The following SETBP1 variants were observed in gnomAD, a reference collection of about 807,000 sequenced individuals.
SETBP1 encodes SET-binding protein.
In SETBP1, 9 loss-of-function variants were observed where a neutral mutation model predicts 101.0. The observed-to-expected ratio is 0.09, with a 90% CI of 0.05 to 0.16. The LOEUF (loss-of-function observed/expected upper bound fraction) is 0.16. Ranked by LOEUF, SETBP1 falls within the 10% of genes least tolerant of loss-of-function variation. The pLI is 1.00. For synonymous variants in SETBP1, 818 were observed against 788.5 expected (o/e 1.04, Z -0.63); for missense variants, 1,858 against 2,033.8 (o/e 0.91, Z 1.66).
chr18:44,822,604 G>A (rs1316359751), intron 2 of SETBP1, among the ~76,000 whole-genome samples: 2 of 152,186 alleles, frequency 1.3e-5, no homozygotes, highest in Admixed American at 6.5e-5. Context: ...TTTGCAGCTC[G>A]TTCTGCTAAC....
chr18:44,689,406 C>A (rs2068892072), intron 1 of SETBP1, among the ~76,000 whole-genome samples: 1 of 152,134 alleles, frequency 6.6e-6, no homozygotes, highest in African/African-American at 2.4e-5. Flanking sequence ...AAACCCAGGG[C>A]CCTCTATGTC....
intron 4 of SETBP1, among the ~76,000 whole-genome samples, chr18:44,962,187 G>A (rs2071626418): frequency 6.6e-6 from 1 of 152,210 alleles, no homozygotes; most frequent in Non-Finnish European, 1.5e-5. Context: ...GAGCTGCGGG[G>A]ACCCAGGATC....
At chr18:45,054,210 TAG>T (rs1349997996) in intron 5 of SETBP1, among the ~76,000 whole-genome samples, 1 of 151,866 alleles carries the variant, frequency 6.6e-6, no homozygotes, top group Non-Finnish European at 1.5e-5. Flanking sequence ...TTTTTTGAGA[TAG>T]AGTCTGGCTC....
At chr18:44,921,079 T>C (rs763146371) in intron 3 of SETBP1, among the ~76,000 whole-genome samples, 1 of 152,198 alleles carries the variant, frequency 6.6e-6, no homozygotes, top group Non-Finnish European at 1.5e-5. Context: ...AGGTAATCAG[T>C]TTACATCAAT....
intron 2 of SETBP1, among the ~76,000 whole-genome samples, chr18:44,772,210 G>A (rs2070889593): frequency 6.6e-6 from 1 of 152,194 alleles, no homozygotes; most frequent in Non-Finnish European, 1.5e-5. Context: ...ATTGGGTGGG[G>A]TGCAGGCTTT....
chr18:44,965,652 T>C (rs1215990578), intron 4 of SETBP1, among the ~76,000 whole-genome samples: 1 of 152,222 alleles, frequency 6.6e-6, no homozygotes, highest in Non-Finnish European at 1.5e-5. Flanking sequence ...AGGAGATTTC[T>C]TAAATCTCCA....
chr18:44,826,401 T>G (rs992095787), intron 2 of SETBP1, among the ~76,000 whole-genome samples: 2 of 152,102 alleles, frequency 1.3e-5, no homozygotes, highest in Non-Finnish European at 2.9e-5. Context: ...CTAGGGCCCC[T>G]TTTTGGCCTT....
intron 2 of SETBP1, among the ~76,000 whole-genome samples, chr18:44,824,296 A>G (rs1171412476): frequency 1.3e-5 from 2 of 152,158 alleles, no homozygotes; most frequent in Non-Finnish European, 2.9e-5. Context: ...CCTGCCTCTG[A>G]GAGTTCGGTG....
chr18:44,973,734 A>G (rs1437601146), intron 4 of SETBP1, among the ~76,000 whole-genome samples: 2 of 152,206 alleles, frequency 1.3e-5, no homozygotes, highest in Admixed American at 6.5e-5. Flanking sequence ...AGAGGCAAGA[A>G]AATGCTGGTA....
Position 44,779,174 on chromosome 18 carries a change from T to C in SETBP1, c.486+77342T>C, listed in dbSNP as rs182814973. 3.6e-3 allele frequency among the ~76,000 whole-genome samples: 545 copies of C among 152,350 alleles called. 7 individuals carry two copies. Among genetic ancestry groups the C allele is most frequent in the African/African-American group, 0.012 (517 of 41,576 alleles). ...TAGACAGGTTAGAGGAGGCTGGGTT[T>C]CCAGATATCCACCGGGAGAAAATCA... On this transcript the variant is annotated intron_variant, in intron 2 of 5. Transcript: ENST00000649279.
At chr18:45,000,793 A>AACACACAC (rs113870439) in intron 4 of SETBP1, among the ~76,000 whole-genome samples, 45,348 of 146,584 alleles carry the variant, frequency 0.31, 7,209 homozygotes, top group South Asian at 0.44. Context: ...GAATGCACAC[A>AACACACAC]ACACACACAC....
chr18:44,794,909 G>T (rs999633173), intron 2 of SETBP1, among the ~76,000 whole-genome samples: 1 of 152,180 alleles, frequency 6.6e-6, no homozygotes, highest in East Asian at 1.9e-4. Flanking sequence ...AACATTCATG[G>T]ATGCAAGACA....
At chr18:44,818,943 T>C (rs2072043713) in intron 2 of SETBP1, among the ~76,000 whole-genome samples, 1 of 151,700 alleles carries the variant, frequency 6.6e-6, no homozygotes, top group African/African-American at 2.4e-5. Context: ...TCTTGGTGAT[T>C]CTAATTACCG....
In SETBP1 at chr18:44,827,165, T is replaced by TA. The variant is rs536947287; in HGVS notation, c.487-42058dup. Among the ~76,000 whole-genome samples the TA allele has an allele frequency of 1.8e-3, 277 of 152,200 alleles. 2 individuals carry two copies. The highest frequency in any genetic ancestry group is 3.4e-3 in the Non-Finnish European group (234 of 68,002). On this transcript the variant is annotated intron_variant, in intron 2 of 5. Coordinates refer to ENST00000649279, the MANE Select transcript of SETBP1 (RefSeq NM_015559.3). ...TTTCTTTTTAAAGAAAAGAAACTTG[T>TA]AAAAAAATGCTCTCCTAGATTCTAT...
chr18:45,010,842 G>A (rs1046216969), intron 4 of SETBP1, among the ~76,000 whole-genome samples: 1 of 152,188 alleles, frequency 6.6e-6, no homozygotes, highest in African/African-American at 2.4e-5. Context: ...TCAGGCTTAA[G>A]GGGATTAAGT....
At chr18:45,041,160 A>C (rs893508041) in intron 5 of SETBP1, among the ~76,000 whole-genome samples, 2 of 152,162 alleles carry the variant, frequency 1.3e-5, no homozygotes, top group African/African-American at 4.8e-5. Flanking sequence ...GTGGATTCCC[A>C]CTTCTGTCAT....
chr18:44,964,752 C>A (rs535559646), intron 4 of SETBP1, among the ~76,000 whole-genome samples: 1 of 152,140 alleles, frequency 6.6e-6, no homozygotes. Flanking sequence ...TCCAATCTGC[C>A]GTTTCTCCAG....
intron 2 of SETBP1, among the ~76,000 whole-genome samples, chr18:44,743,090 C>T (rs1267732546): frequency 2.6e-5 from 4 of 151,632 alleles, no homozygotes; most frequent in Non-Finnish European, 5.9e-5. Flanking sequence ...TCTCTCTCCT[C>T]TTCTCTCTCC....
intron 2 of SETBP1, among the ~76,000 whole-genome samples, chr18:44,844,756 C>T (rs568298038): frequency 1.4e-4 from 21 of 152,210 alleles, no homozygotes; most frequent in East Asian, 3.9e-4. Context: ...TGAGGGTTCT[C>T]GGTGACTGAA....
Sources: gnomAD v4.1 joint callset for allele counts (sites outside exome capture counted in the v4.1 genomes callset) on GRCh38, gnomAD v4.1.1 for gene constraint, MANE v1.5 for transcripts, NCBI Gene and HGNC (gene_info 2026-07-23, HGNC 2026-07-21) for gene names.